Variants in PHACTR4 observed in about 807,000 individuals in gnomAD.
PHACTR4 encodes the protein phosphatase and actin regulator 4.
A neutral mutation model predicts 72.7 loss-of-function variants in PHACTR4; 51 were observed. The observed-to-expected ratio is 0.70, with a 90% CI of 0.56 to 0.89. The LOEUF (loss-of-function observed/expected upper bound fraction) is 0.89. PHACTR4 is among the 40% of genes least tolerant of loss of function. The pLI is 0.00. For missense variants in PHACTR4, 731 were observed against 861.8 expected (o/e 0.85, Z 1.90); for synonymous variants, 255 against 302.5 (o/e 0.84, Z 1.63).
rs1427767855 is a variant in PHACTR4, at chr1:28,460,244, A to C, written c.223A>C (p.Arg75=). 1 of 1,613,822 alleles carries C rather than the reference A, an allele frequency of 6.2e-7. No individual in the cohort carries two copies. Among genetic ancestry groups the C allele is most frequent in the Admixed American group, 1.7e-5 (1 of 59,982 alleles). ...ACGGAAAATATCTATGCGAAAGCCA[A>C]GAGAAGAGCTGGTTAAAAGAGGGGT... ...LERKISMRKP[R]EELVKRGVLL... is the part of the protein sequence containing the mutation. Residue 75 remains arginine (R), a synonymous_variant, in exon 4 of 14, where the codon AGA becomes CGA. Transcript: ENST00000373839.
chr1:28,383,070 G>A (rs1415839400), intron 1 of PHACTR4, among the ~76,000 whole-genome samples: 3 of 152,204 alleles, frequency 2.0e-5, no homozygotes, highest in Non-Finnish European at 4.4e-5. Flanking sequence ...TGGGATTACA[G>A]GCATGAGCCA....
intron 7 of PHACTR4, 98 bp from the exon 8 acceptor site, chr1:28,476,009 T>G: frequency 1.1e-3 from 1,288 of 1,184,432 alleles, no homozygotes; most frequent in Non-Finnish European, 1.4e-3. Context: ...ATTACAGCCA[T>G]GAGCCACCAC....
chr1:28,486,718 G>A (rs550658908), intron 9 of PHACTR4, among the ~76,000 whole-genome samples: 64 of 152,054 alleles, frequency 4.2e-4, no homozygotes, highest in Non-Finnish European at 8.1e-4. Flanking sequence ...AGTTAGCTGG[G>A]CCTAGTGGTG....
At chr1:28,435,216 G>A (rs1445961176) in intron 2 of PHACTR4, among the ~76,000 whole-genome samples, 1 of 152,090 alleles carries the variant, frequency 6.6e-6, no homozygotes, top group Non-Finnish European at 1.5e-5. Flanking sequence ...ACATTACAAA[G>A]CACTTTATTT....
intron 1 of PHACTR4, among the ~76,000 whole-genome samples, chr1:28,398,439 G>C (rs1030372627): frequency 2.0e-5 from 3 of 152,168 alleles, no homozygotes; most frequent in Non-Finnish European, 4.4e-5. Context: ...AGAATCACTT[G>C]AACCCCACAG....
chr1:28,425,265 T>C (rs1569907156), intron 2 of PHACTR4, among the ~76,000 whole-genome samples: 1 of 151,958 alleles, frequency 6.6e-6, no homozygotes, highest in East Asian at 1.9e-4. Flanking sequence ...ACTACAGGCA[T>C]CCACCACCAC....
intron 1 of PHACTR4, among the ~76,000 whole-genome samples, chr1:28,386,146 T>A (rs1387602900): frequency 6.6e-6 from 1 of 152,134 alleles, no homozygotes; most frequent in Non-Finnish European, 1.5e-5. Context: ...CAGGCTGGAG[T>A]GCAGTGGTGC....
chr1:28,470,236 T>C lies in PHACTR4; in HGVS notation c.824-3318T>C, dbSNP rs1280813742. On this transcript the variant is annotated intron_variant, in intron 6 of 13. Transcript: ENST00000373839. The stretch of plus-strand genomic sequence containing the variant: ...AGCAAGACCCCATCTCTATAAAATA[T>C]TTAAAAATTAGCTGGGCATGGTGAC... 2.0e-5 allele frequency among the ~76,000 whole-genome samples: 3 copies of C among 151,834 alleles called. No homozygotes were observed. In the East Asian group the frequency reaches 5.8e-4, roughly 30 times the overall value.
At chr1:28,475,288 C>T (rs1276544480) in intron 7 of PHACTR4, among the ~76,000 whole-genome samples, 5 of 149,768 alleles carry the variant, frequency 3.3e-5, no homozygotes, top group Admixed American at 2.0e-4. Context: ...TTTTTTTTTT[C>T]ATGGAGATTT....
chr1:28,399,122 G>C (rs1653754743), intron 1 of PHACTR4, among the ~76,000 whole-genome samples: 2 of 152,048 alleles, frequency 1.3e-5, no homozygotes, highest in Non-Finnish European at 2.9e-5. Flanking sequence ...GACCAGCCTG[G>C]CCAACATGGT....
intron 1 of PHACTR4, among the ~76,000 whole-genome samples, chr1:28,382,406 C>G (rs938780237): frequency 6.6e-6 from 1 of 151,336 alleles, no homozygotes; most frequent in Non-Finnish European, 1.5e-5. Context: ...TGAGTTCACT[C>G]CATTCTCCTG....
intron 1 of PHACTR4, among the ~76,000 whole-genome samples, chr1:28,399,873 G>A (rs1441917929): frequency 6.6e-6 from 1 of 152,182 alleles, no homozygotes; most frequent in Non-Finnish European, 1.5e-5. Context: ...CTGAAATAAT[G>A]GAGCAAATCA....
chr1:28,463,148 A>G (rs1036988688), intron 4 of PHACTR4, among the ~76,000 whole-genome samples: 2 of 151,600 alleles, frequency 1.3e-5, no homozygotes, highest in Non-Finnish European at 2.9e-5. Context: ...TGCAGTAAGT[A>G]TTAATTGCAC....
At chr1:28,378,339 T>A (rs1335287285) in intron 1 of PHACTR4, among the ~76,000 whole-genome samples, 2 of 134,986 alleles carry the variant, frequency 1.5e-5, no homozygotes, top group African/African-American at 2.7e-5. Flanking sequence ...CCGTCTCTAC[T>A]AAAAAAAAAA....
intron 3 of PHACTR4, among the ~76,000 whole-genome samples, 194 bp downstream of exon 3, chr1:28,459,452 A>G (rs1023440386): frequency 1.5e-5 from 2 of 136,100 alleles, no homozygotes; most frequent in African/African-American, 5.7e-5. Context: ...CCCAGGCTAG[A>G]GTACAGTGGC....
chr1:28,474,001 C>A lies in PHACTR4; in HGVS notation c.1271C>A (p.Ala424Asp), dbSNP rs1309370644. ...CCACTGCATATTCGAATCCAGCAGG[C>A]CCTCACCAGCCCACTTCCCATGACT... is the stretch of plus-strand genomic sequence containing the variant. ...PLPLHIRIQQ[A>D]LTSPLPMTPI... The change falls in exon 7 of 14, where the codon GCC becomes GAC. Residue 424 changes from alanine to aspartate, a missense_variant. By Grantham distance (126) the Ala-to-Asp change is moderately radical. Transcript: ENST00000373839. 1 of 1,614,160 alleles carries A rather than the reference C, an allele frequency of 6.2e-7. No individual in the cohort carries two copies. Among genetic ancestry groups the A allele is most frequent in the Non-Finnish European group, 8.5e-7 (1 of 1,180,024 alleles).
chr1:28,395,944 G>A (rs1318597128), intron 1 of PHACTR4, among the ~76,000 whole-genome samples: 13 of 144,408 alleles, frequency 9.0e-5, no homozygotes, highest in Admixed American at 2.8e-4. Context: ...GATTACAGGC[G>A]TGAGCCACCA....
intron 2 of PHACTR4, among the ~76,000 whole-genome samples, chr1:28,445,588 A>G (rs1657407479): frequency 6.6e-6 from 1 of 151,822 alleles, no homozygotes; most frequent in Non-Finnish European, 1.5e-5. Flanking sequence ...AAGATACTGT[A>G]TGTTCTCTTT....
chr1:28,400,947 C>T (rs910566780), intron 1 of PHACTR4, among the ~76,000 whole-genome samples: 1 of 152,092 alleles, frequency 6.6e-6, no homozygotes, highest in South Asian at 2.1e-4. Flanking sequence ...GGGGATAGGC[C>T]TTCAAATCTT....
Sources: gnomAD v4.1 joint callset for allele counts (sites outside exome capture counted in the v4.1 genomes callset) on GRCh38, gnomAD v4.1.1 for gene constraint, MANE v1.5 for transcripts, NCBI Gene and HGNC (gene_info 2026-07-23, HGNC 2026-07-21) for gene names.